Variants in PIGL observed in about 807,000 individuals in gnomAD.
PIGL encodes the protein phosphatidylinositol glycan anchor biosynthesis class L.
A neutral mutation model predicts 31.1 loss-of-function variants in PIGL; 22 were observed. That is an observed-to-expected ratio of 0.71 (90% confidence interval 0.51 to 1.01). The LOEUF is 1.01. Ranked by LOEUF, PIGL falls within the 50% of genes least tolerant of loss-of-function variation. The pLI is 0.00. For synonymous variants in PIGL, 131 were observed against 117.4 expected (o/e 1.12, Z -0.75); for missense variants, 302 against 315.9 (o/e 0.96, Z 0.33).
chr17:16,229,925 G>A (rs967969399), intron 1 of PIGL, among the ~76,000 whole-genome samples: 2 of 131,822 alleles, frequency 1.5e-5, no homozygotes, highest in South Asian at 2.4e-4. Context: ...GCAGTGGCAC[G>A]ATCTCAGCTC....
At chr17:16,296,678 A>ATTAGGCTAATTAGGCTAATTAAT (rs1296269043) in intron 2 of PIGL, among the ~76,000 whole-genome samples, 4 of 151,208 alleles carry the variant, frequency 2.6e-5, no homozygotes, top group African/African-American at 9.7e-5. Flanking sequence ...GAGGGTTTAA[A>ATTAGGCTAATTAGGCTAATTAAT]TTAGGCTAAT....
chr17:16,279,054 G>A (rs2092906702), intron 2 of PIGL, among the ~76,000 whole-genome samples: 1 of 152,178 alleles, frequency 6.6e-6, no homozygotes, highest in Admixed American at 6.6e-5. Context: ...AGTTTCTAGG[G>A]CATCATAAGC....
chr17:16,231,232 C>CT (rs975246766), intron 1 of PIGL, among the ~76,000 whole-genome samples: 2,453 of 126,472 alleles, frequency 0.019, 80 homozygotes, highest in African/African-American at 0.059. Context: ...ATTTTCTTTT[C>CT]TTTTTTTTTT....
chr17:16,303,190 G>A (rs550127394), intron 3 of PIGL, among the ~76,000 whole-genome samples: 2 of 152,218 alleles, frequency 1.3e-5, no homozygotes, highest in Non-Finnish European at 2.9e-5. Context: ...ACTTTGATGA[G>A]CCCTTTTTGA....
intron 2 of PIGL, among the ~76,000 whole-genome samples, chr17:16,263,494 GT>G (rs1454573623): frequency 6.7e-6 from 1 of 149,876 alleles, no homozygotes; most frequent in Non-Finnish European, 1.5e-5. Context: ...TGTTTTATTG[GT>G]TTTTTTTTGT....
intron 3 of PIGL, among the ~76,000 whole-genome samples, chr17:16,309,517 C>A (rs773446265): frequency 8.6e-5 from 13 of 151,636 alleles, no homozygotes; most frequent in Non-Finnish European, 1.8e-4. Context: ...AATCACAGCA[C>A]CTTGGGAGGC....
intron 2 of PIGL, among the ~76,000 whole-genome samples, chr17:16,261,409 AATAG>A (rs1378862710): frequency 6.6e-6 from 1 of 152,222 alleles, no homozygotes; most frequent in East Asian, 1.9e-4. Flanking sequence ...CAAAAGAAAA[AATAG>A]ATAAATTGGA....
At chr17:16,300,500 G>A (rs8074727) in intron 3 of PIGL, among the ~76,000 whole-genome samples, 60,774 of 151,980 alleles carry the variant, frequency 0.4, 13,729 homozygotes, top group Middle Eastern at 0.52. Flanking sequence ...GGCCAGCATG[G>A]TGAAACCCCA....
At chr17:16,240,989 C>A (rs1385373633) in intron 2 of PIGL, among the ~76,000 whole-genome samples, 4 of 150,676 alleles carry the variant, frequency 2.7e-5, no homozygotes, top group Non-Finnish European at 3.0e-5. Context: ...TGGCACATCC[C>A]TGTAATCCCA....
At chr17:16,253,102 C>G (rs939515545) in intron 2 of PIGL, among the ~76,000 whole-genome samples, 1 of 151,526 alleles carries the variant, frequency 6.6e-6, no homozygotes, top group Non-Finnish European at 1.5e-5. Context: ...CTGGCTGAGG[C>G]GGGTGGATCA....
At chr17:16,271,296 G>A (rs968817739) in intron 2 of PIGL, among the ~76,000 whole-genome samples, 1 of 152,144 alleles carries the variant, frequency 6.6e-6, no homozygotes, top group East Asian at 1.9e-4. Flanking sequence ...CAGTGGGCAG[G>A]CACATTCATG....
chr17:16,317,119 T>C, intron 5 of PIGL: 1 of 1,031,236 alleles, frequency 9.7e-7, no homozygotes, highest in South Asian at 3.9e-5. Flanking sequence ...TATTTGACCC[T>C]ACCTGACCAT....
At chr17:16,263,831 GAC>G (rs1193691433) in intron 2 of PIGL, among the ~76,000 whole-genome samples, 2 of 113,104 alleles carry the variant, frequency 1.8e-5, no homozygotes, top group African/African-American at 3.5e-5. Flanking sequence ...TGTAAATGTT[GAC>G]TTTTTTTTTT....
At chr17:16,248,217 A>G (rs2092757003) in intron 2 of PIGL, among the ~76,000 whole-genome samples, 2 of 152,160 alleles carry the variant, frequency 1.3e-5, no homozygotes, top group Admixed American at 6.6e-5. Flanking sequence ...CAATATGGAC[A>G]GGCTGAAAAT....
At chr17:16,258,099 G>GAA (rs1568802815) in intron 2 of PIGL, among the ~76,000 whole-genome samples, 26 of 105,352 alleles carry the variant, frequency 2.5e-4, no homozygotes, top group East Asian at 1.6e-3. Context: ...GAGAGAGAGA[G>GAA]AGAAAGAGAG....
At chr17:16,285,834 G>T (rs930579451) in intron 2 of PIGL, among the ~76,000 whole-genome samples, 1 of 151,948 alleles carries the variant, frequency 6.6e-6, no homozygotes, top group Non-Finnish European at 1.5e-5. Flanking sequence ...TTAGTCCTTG[G>T]CGGTGCAGAG....
At chr17:16,222,103 A>G (rs528005996) in intron 1 of PIGL, among the ~76,000 whole-genome samples, 1 of 152,126 alleles carries the variant, frequency 6.6e-6, no homozygotes, top group African/African-American at 2.4e-5. Context: ...TGGATTAAAC[A>G]TTATCTATTC....
At chr17:16,287,199 A>G (rs1013613299) in intron 2 of PIGL, among the ~76,000 whole-genome samples, 2 of 151,974 alleles carry the variant, frequency 1.3e-5, no homozygotes, top group Admixed American at 1.3e-4. Context: ...TCAGGCCCAC[A>G]CTGCTCCTCC....
At chr17:16,264,286 G>T (rs2092832060) in intron 2 of PIGL, among the ~76,000 whole-genome samples, 1 of 151,866 alleles carries the variant, frequency 6.6e-6, no homozygotes, top group Non-Finnish European at 1.5e-5. Context: ...GGGATTACAG[G>T]CATGAGTCTC....
Sources: gnomAD v4.1 joint callset for allele counts (sites outside exome capture counted in the v4.1 genomes callset) on GRCh38, gnomAD v4.1.1 for gene constraint, MANE v1.5 for transcripts, NCBI Gene and HGNC (gene_info 2026-07-23, HGNC 2026-07-21) for gene names.